Variants in GAS2 observed in about 807,000 individuals in gnomAD.
GAS2 encodes growth arrest specific 2, also known as growth arrest-specific protein 2.
GAS2 carries 20 observed loss-of-function variants against 37.5 expected under a neutral mutation model. The observed-to-expected ratio is 0.53, with a 90% CI of 0.37 to 0.77. The LOEUF (loss-of-function observed/expected upper bound fraction) is 0.77. Among genes scored for constraint, GAS2 ranks in the 30% least tolerant of loss-of-function variants. GAS2 has a pLI of 0.00. For synonymous variants in GAS2, 144 were observed against 132.2 expected (o/e 1.09, Z -0.61); for missense variants, 336 against 373.4 (o/e 0.90, Z 0.82).
At chr11:22,792,323 T>TG (rs1250196430) in intron 7 of GAS2, among the ~76,000 whole-genome samples, 4 of 152,216 alleles carry the variant, frequency 2.6e-5, no homozygotes, top group African/African-American at 9.7e-5. Context: ...CAGATGGGAA[T>TG]AATTTATACA....
chr11:22,783,981 C>T (rs963916054), intron 7 of GAS2, among the ~76,000 whole-genome samples: 1 of 152,130 alleles, frequency 6.6e-6, no homozygotes. Context: ...TCTGTGTTCT[C>T]TGTTCTGTTC....
intron 7 of GAS2, among the ~76,000 whole-genome samples, chr11:22,772,181 A>G (rs1207258233): frequency 6.6e-6 from 1 of 152,158 alleles, no homozygotes; most frequent in African/African-American, 2.4e-5. Context: ...TTGTAAATGA[A>G]CATGAAACCT....
intron 3 of GAS2, among the ~76,000 whole-genome samples, chr11:22,695,175 G>T (rs761694985): frequency 6.6e-6 from 1 of 152,034 alleles, no homozygotes; most frequent in South Asian, 2.1e-4. Context: ...AAAAAAATTA[G>T]CTGGGTGTGG....
chr11:22,638,214 C>T (rs1486496714), intron 1 of GAS2, among the ~76,000 whole-genome samples: 1 of 152,140 alleles, frequency 6.6e-6, no homozygotes, highest in Non-Finnish European at 1.5e-5. Flanking sequence ...AAAGACACAA[C>T]TTGCTGCTGC....
intron 1 of GAS2, among the ~76,000 whole-genome samples, chr11:22,649,916 CT>C (rs1848751936): frequency 6.6e-6 from 1 of 151,958 alleles, no homozygotes; most frequent in Non-Finnish European, 1.5e-5. Context: ...TCTCTATTTC[CT>C]TCAGTTCTGC....
intron 2 of GAS2, among the ~76,000 whole-genome samples, chr11:22,675,423 A>T (rs1849382047): frequency 6.6e-6 from 1 of 152,186 alleles, no homozygotes; most frequent in Non-Finnish European, 1.5e-5. Flanking sequence ...ACACCTTCTA[A>T]AACTGCTGAA....
intron 3 of GAS2, among the ~76,000 whole-genome samples, chr11:22,701,206 T>C (rs1850821643): frequency 2.0e-5 from 3 of 152,198 alleles, no homozygotes; most frequent in Non-Finnish European, 4.4e-5. Context: ...CAAAAGGAGT[T>C]AAATATGATC....
In GAS2 at chr11:22,671,931, G is replaced by A. The variant is rs549171758; in HGVS notation, c.-20-2919G>A. 2.6e-5 allele frequency among the ~76,000 whole-genome samples: 4 copies of A among 152,146 alleles called. No homozygotes were observed. The East Asian group carries it at 7.7e-4, about 29-fold the overall frequency. ...CCAAATCTAAATCCAAGACCTGCAG[G>A]TATTGACTTTCAGCCAAACCGTTGA... On this transcript the variant is annotated intron_variant, in intron 1 of 7. Transcript: ENST00000454584.
intron 7 of GAS2, among the ~76,000 whole-genome samples, chr11:22,788,271 A>G: frequency 6.6e-6 from 1 of 152,198 alleles, no homozygotes; most frequent in Non-Finnish European, 1.5e-5. Context: ...TGAAGAAAAT[A>G]TGTTTTTCTT....
chr11:22,674,333 C>T (rs1365676674), intron 1 of GAS2, among the ~76,000 whole-genome samples: 1 of 151,826 alleles, frequency 6.6e-6, no homozygotes, highest in Admixed American at 6.6e-5. Context: ...ATTGTGAGTC[C>T]ATGATTGCTT....
At chr11:22,782,727 CAAA>C (rs34232571) in intron 7 of GAS2, among the ~76,000 whole-genome samples, 1 of 119,608 alleles carries the variant, frequency 8.4e-6, no homozygotes, top group African/African-American at 3.1e-5. Flanking sequence ...CATGTTGCTG[CAAA>C]AAAAAAAAAA....
At position 22,633,844 on chromosome 11, in the gene GAS2, G is replaced by A. The variant is rs149594417; in HGVS notation, c.-21+8031G>A. Among the ~76,000 whole-genome samples the A allele has an allele frequency of 2.6e-5, 4 of 152,266 alleles. No individual in the cohort carries two copies. In the East Asian group the frequency reaches 7.7e-4, roughly 29 times the overall value. ...GAATGGTGATGTTACATGTAGAAAA[G>A]GACTATGACTCTATCCCTCATGTAA... On this transcript the variant is annotated intron_variant, in intron 1 of 5. Coordinates refer to the GAS2 transcript ENST00000528582.
chr11:22,648,844 C>A (rs1324895869), intron 1 of GAS2, among the ~76,000 whole-genome samples: 2 of 152,152 alleles, frequency 1.3e-5, no homozygotes, highest in Non-Finnish European at 2.9e-5. Context: ...TCTAGATATA[C>A]AATCATGTCG....
At chr11:22,638,374 C>G (rs1858866968) in intron 1 of GAS2, among the ~76,000 whole-genome samples, 1 of 149,298 alleles carries the variant, frequency 6.7e-6, no homozygotes, top group Admixed American at 6.7e-5. Flanking sequence ...GAGACAGACT[C>G]TCACTGTGTT....
At chr11:22,637,157 G>C (rs1487267538) in intron 1 of GAS2, among the ~76,000 whole-genome samples, 1 of 114,504 alleles carries the variant, frequency 8.7e-6, no homozygotes, top group South Asian at 2.6e-4. Flanking sequence ...TATTACTTAT[G>C]TTAATATTAT....
rs1232395484 is a variant in GAS2, at chr11:22,755,893, C to A, written c.663C>A (p.Phe221Leu). 6.2e-7 allele frequency: 1 copy of A among 1,613,082 alleles called. No individual in the cohort carries two copies. The highest frequency in any genetic ancestry group is 8.5e-7 in the Non-Finnish European group (1 of 1,179,276). The stretch of plus-strand genomic sequence containing the variant: ...CTCCTTGCAAATGCCCAAACAAGTT[C>A]TGTGTGGAGCGGCTCTCCCAAGGAA... ...EDPPCKCPNK[F>L]CVERLSQGRY... The change falls in exon 7 of 8, where the codon TTC becomes TTA. Residue 221 changes from phenylalanine to leucine, a missense_variant. Coordinates refer to ENST00000454584, the MANE Select transcript of GAS2 (RefSeq NM_001143830.3).
chr11:22,784,042 T>C (rs759966193), intron 7 of GAS2, among the ~76,000 whole-genome samples: 7 of 152,226 alleles, frequency 4.6e-5, no homozygotes, highest in Non-Finnish European at 1.0e-4. Context: ...TTTTGGTTAC[T>C]GTAGCCTTGT....
intron 1 of GAS2, among the ~76,000 whole-genome samples, chr11:22,652,487 A>T (rs1412186647): frequency 6.6e-6 from 1 of 152,358 alleles, no homozygotes; most frequent in South Asian, 2.1e-4. Context: ...TACCTAAGCA[A>T]GCCTGGGCAA....
At position 22,652,561 on chromosome 11, in the gene GAS2, G is replaced by A. The variant is rs906307955; in HGVS notation, c.-20-22289G>A. ...AGTTTGATCTCAGACTGCTGTACTA[G>A]CAATCAGCGAGACTCCGTGGGCGTA... On this transcript the variant is annotated intron_variant, in intron 1 of 5. Coordinates refer to the GAS2 transcript ENST00000528582. 3.9e-5 allele frequency among the ~76,000 whole-genome samples: 6 copies of A among 152,324 alleles called. No homozygotes were observed. In the East Asian group the frequency reaches 5.8e-4, roughly 15 times the overall value.
Sources: gnomAD v4.1 joint callset for allele counts (sites outside exome capture counted in the v4.1 genomes callset) on GRCh38, gnomAD v4.1.1 for gene constraint, MANE v1.5 for transcripts, NCBI Gene and HGNC (gene_info 2026-07-23, HGNC 2026-07-21) for gene names.